The following EMC2 variants were observed in gnomAD, a reference collection of about 807,000 sequenced individuals.
The protein encoded by EMC2 is ER membrane protein complex subunit 2.
In EMC2, 37 loss-of-function variants were observed where a neutral mutation model predicts 51.6. That is an observed-to-expected ratio of 0.72 (90% CI 0.55 to 0.94). The LOEUF is 0.94. Among genes scored for constraint, EMC2 ranks in the 40% least tolerant of loss-of-function variants. The probability of loss-of-function intolerance (pLI) is 0.00; values close to 1 mark genes in which losing one functional copy is unlikely to be tolerated. For synonymous variants in EMC2, 131 were observed against 112.4 expected (o/e 1.17, Z -1.04); for missense variants, 359 against 350.9 (o/e 1.02, Z -0.18).
At chr8:108,470,934 A>T (rs1028456040) in intron 7 of EMC2, 5 of 152,104 alleles carry the variant, frequency 3.3e-5, no homozygotes, top group African/African-American at 7.2e-5. Flanking sequence ...CTGATGAGAA[A>T]CAGAATGAAG....
chr8:108,467,285 T>C (rs541801330), intron 5 of EMC2, among the ~76,000 whole-genome samples: 1 of 152,292 alleles, frequency 6.6e-6, no homozygotes, highest in South Asian at 2.1e-4. Context: ...TTATGTATGA[T>C]ACCTTGTATA....
At chr8:108,485,513 A>T (rs1300570018) in intron 10 of EMC2, among the ~76,000 whole-genome samples, 1 of 131,936 alleles carries the variant, frequency 7.6e-6, no homozygotes, top group South Asian at 2.3e-4. Flanking sequence ...ATATATAATT[A>T]ATATATATAC....
At chr8:108,469,800 A>G (rs1423381134) in intron 5 of EMC2, 26 bp from the exon 6 acceptor site, 9 of 1,593,304 alleles carry the variant, frequency 5.6e-6, no homozygotes, top group Non-Finnish European at 7.7e-6. Flanking sequence ...ATAAGGGCCT[A>G]ATCCTTTATT....
intron 5 of EMC2, among the ~76,000 whole-genome samples, chr8:108,461,409 A>G (rs1227991962): frequency 1.3e-5 from 2 of 152,214 alleles, no homozygotes; most frequent in Non-Finnish European, 2.9e-5. Flanking sequence ...AGGTAGCATG[A>G]TGTGATGAAC....
chr8:108,485,430 C>T (rs1324819908), intron 10 of EMC2, among the ~76,000 whole-genome samples: 1 of 143,802 alleles, frequency 7.0e-6, no homozygotes, highest in African/African-American at 2.5e-5. Flanking sequence ...AAAATATATA[C>T]ATAATATATA....
At position 108,470,111 on chromosome 8, in the gene EMC2, A is replaced by G. The variant is rs1810823962; in HGVS notation, c.499A>G (p.Asn167Asp). The change falls in exon 7 of 11, where the codon AAT becomes GAT. Residue 167 changes from asparagine to aspartate, a missense_variant. Physicochemically the swap from Asn to Asp is conservative, Grantham distance 23. Coordinates refer to ENST00000220853, the MANE Select transcript of EMC2 (RefSeq NM_014673.5). ...GCATGAACTTGCAGAACTTTACATC[A>G]ATGAACATGAGTAAGTTATTAAACA... ...AWHELAELYI[N>D]EHDYAKAAFC... 1.2e-6 allele frequency: 2 copies of G among 1,610,300 alleles called. No homozygotes were observed. Among genetic ancestry groups the G allele is most frequent in the African/African-American group, 2.7e-5 (2 of 74,848 alleles).
intron 5 of EMC2, chr8:108,456,173 A>C (rs1819149495): frequency 6.1e-6 from 1 of 164,480 alleles, no homozygotes; most frequent in South Asian, 2.0e-4. Context: ...ATCTCTACTA[A>C]AAAGCAAAAA....
chr8:108,457,331 C>CGTGTGTGTGT (rs56319322), intron 5 of EMC2, among the ~76,000 whole-genome samples: 32 of 128,072 alleles, frequency 2.5e-4, no homozygotes, highest in African/African-American at 5.6e-4. Context: ...CGTGTGTGTG[C>CGTGTGTGTGT]GTGTGTGTGT....
Position 108,487,440 on chromosome 8 carries a change from T to C in EMC2, c.*842T>C, listed in dbSNP as rs948846385. Among the ~76,000 whole-genome samples the C allele has an allele frequency of 2.1e-4, 32 of 152,088 alleles. No homozygotes were observed. The highest frequency in any genetic ancestry group is 7.5e-4 in the African/African-American group (31 of 41,568). On this transcript the variant is annotated 3_prime_UTR_variant, in exon 11 of 11. Transcript: ENST00000220853. Reference sequence around the variant, plus strand: ...AAAATGTTAAAATTTTCCTATTCTATCATTACCTTAGTTAGAATTTTTTAT... The same window carrying C: ...AAAATGTTAAAATTTTCCTATTCTACCATTACCTTAGTTAGAATTTTTTAT...
At chr8:108,448,850 CTTT>C (rs577913991) in intron 1 of EMC2, among the ~76,000 whole-genome samples, 1 of 150,556 alleles carries the variant, frequency 6.6e-6, no homozygotes, top group Admixed American at 6.6e-5. Flanking sequence ...CTAGTGGTTT[CTTT>C]TTTTTTGCAC....
chr8:108,451,509 C>T (rs1819020652), intron 3 of EMC2, among the ~76,000 whole-genome samples: 1 of 152,028 alleles, frequency 6.6e-6, no homozygotes, highest in African/African-American at 2.4e-5. Context: ...AATTGAAATA[C>T]CTGAAAAAAA....
At chr8:108,476,955 A>C in intron 9 of EMC2, 63 bp downstream of exon 9, 1 of 769,310 alleles carries the variant, frequency 1.3e-6, no homozygotes, top group Non-Finnish European at 2.3e-6. Flanking sequence ...CCATTTAACT[A>C]TCCCCTTCAA....
At chr8:108,472,577 G>C (rs1810875853) in intron 7 of EMC2, among the ~76,000 whole-genome samples, 1 of 151,156 alleles carries the variant, frequency 6.6e-6, no homozygotes, top group South Asian at 2.1e-4. Context: ...GAATATTTAT[G>C]TTTAGGTGAC....
intron 8 of EMC2, among the ~76,000 whole-genome samples, chr8:108,476,363 T>A (rs1297511471): frequency 6.6e-6 from 1 of 151,830 alleles, no homozygotes; most frequent in Non-Finnish European, 1.5e-5. Flanking sequence ...GCAGTACAAC[T>A]GAATGCTATA....
Position 108,486,805 on chromosome 8 carries a change from T to G in EMC2, c.*207T>G, listed in dbSNP as rs1347314445. The G allele has an allele frequency of 1.2e-5, 5 of 434,562 alleles. No homozygotes were observed. Among genetic ancestry groups the G allele is most frequent in the Non-Finnish European group, 2.0e-5 (5 of 249,670 alleles). 26.9% of individuals were successfully genotyped at this position (434,562 alleles called of 1,614,324 possible). On this transcript the variant is annotated 3_prime_UTR_variant, in exon 11 of 11. Coordinates refer to ENST00000220853, the MANE Select transcript of EMC2 (RefSeq NM_014673.5). Reference sequence around the variant, plus strand: ...GGGGGAAATCCATGGAAGAGAGATTTAAGACTTATTGATTGTACATCAGTC... The same window carrying G: ...GGGGGAAATCCATGGAAGAGAGATTGAAGACTTATTGATTGTACATCAGTC...
intron 5 of EMC2, among the ~76,000 whole-genome samples, chr8:108,463,313 AAGAC>A (rs1035194736): frequency 6.6e-6 from 1 of 152,336 alleles, no homozygotes; most frequent in South Asian, 2.1e-4. Context: ...ATCTAAAACT[AAGAC>A]AGGTGGAATT....
chr8:108,453,687 A>G (rs1819085954), intron 4 of EMC2, among the ~76,000 whole-genome samples: 1 of 152,064 alleles, frequency 6.6e-6, no homozygotes, highest in African/African-American at 2.4e-5. Context: ...GTGCTTTCAG[A>G]CTATTTTTCT....
At chr8:108,460,004 C>T (rs1449165544) in intron 5 of EMC2, among the ~76,000 whole-genome samples, 1 of 151,994 alleles carries the variant, frequency 6.6e-6, no homozygotes, top group Non-Finnish European at 1.5e-5. Context: ...AGAAAAAGCA[C>T]CCATTTTTTT....
chr8:108,447,397 A>T (rs1018963845), intron 1 of EMC2, among the ~76,000 whole-genome samples: 1 of 152,222 alleles, frequency 6.6e-6, no homozygotes, highest in Non-Finnish European at 1.5e-5. Flanking sequence ...AACAGCCTGC[A>T]GCCAATCTGA....
Sources: allele counts gnomAD v4.1 joint callset (sites outside exome capture counted in the v4.1 genomes callset), GRCh38; gene constraint gnomAD v4.1.1; transcripts MANE v1.5; gene names NCBI Gene and HGNC (gene_info 2026-07-23, HGNC 2026-07-21).